Variants in SYMPK observed in about 807,000 individuals in gnomAD.
The protein encoded by SYMPK is symplekin.
SYMPK carries 49 observed loss-of-function variants against 136.4 expected under a neutral mutation model. The observed-to-expected ratio is 0.36, with a 90% CI of 0.29 to 0.46. SYMPK has a LOEUF of 0.46. SYMPK is among the 20% of genes least tolerant of loss of function. The pLI is 1.00. For missense variants in SYMPK, 1,365 were observed against 1,690.0 expected (o/e 0.81, Z 3.37); for synonymous variants, 766 against 713.0 (o/e 1.07, Z -1.19).
chr19:45,857,340 G>A (rs1400790601), intron 1 of SYMPK, among the ~76,000 whole-genome samples: 1 of 137,392 alleles, frequency 7.3e-6, no homozygotes, highest in Admixed American at 7.7e-5. Context: ...AACCCGGGAA[G>A]CGGAACTTGC....
Position 45,844,183 on chromosome 19 carries a change from C to G in SYMPK, c.694G>C (p.Gly232Arg). The change falls in exon 8 of 27, where the codon GGC becomes CGC. Residue 232 changes from glycine (G) to arginine (R), a missense_variant. Gly to Arg is a moderately radical substitution (Grantham distance 125). This residue lies in a region of SYMPK where 237 missense variants were observed against 292.9 expected (regional missense o/e 0.81). Coordinates refer to ENST00000245934, the MANE Select transcript of SYMPK (RefSeq NM_004819.3). ...AGCAGCTGCTCCAAGGCTGCCTTGC[C>G]CTCTTCCCATAGCACGTCTAAGAGA... Reference protein sequence around the residue: ...YIQYNVLWEEGKAALEQLLKF... With the variant: ...YIQYNVLWEERKAALEQLLKF... The G allele has an allele frequency of 1.9e-6, 3 of 1,604,706 alleles. No homozygotes were observed. Among genetic ancestry groups the G allele is most frequent in the Non-Finnish European group, 2.6e-6 (3 of 1,175,516 alleles).
In SYMPK at chr19:45,838,557, G is replaced by A. The variant is rs758301636; in HGVS notation, c.1146C>T (p.Thr382=). The A allele has an allele frequency of 6.2e-6, 10 of 1,614,164 alleles. No individual in the cohort carries two copies. The highest frequency in any genetic ancestry group is 1.7e-4 in the Middle Eastern group (1 of 6,060). ...DKDLEPGPSG[T]SKASAQISGQ... is the part of the protein sequence containing the mutation. ...CGGAGATCTGCGCTGAGGCCTTCGA[G>A]GTCCCCGACGGGCCTGGCTCCAAGT... Residue 382 remains threonine, a synonymous_variant, in exon 10 of 27, where the codon ACC becomes ACT. Transcript: ENST00000245934.
intron 19 of SYMPK, 121 bp from the exon 20 acceptor site, chr19:45,823,593 G>T: frequency 9.7e-7 from 1 of 1,030,206 alleles, no homozygotes; most frequent in Non-Finnish European, 1.5e-6. Context: ...ACCCTTGGCT[G>T]CTCACGTGCA....
chr19:45,851,656 C>T (rs939530444), intron 5 of SYMPK, among the ~76,000 whole-genome samples: 1 of 151,218 alleles, frequency 6.6e-6, no homozygotes, highest in Non-Finnish European at 1.5e-5. Flanking sequence ...GGCAGATCAC[C>T]TGAGGTCAGG....
rs748224488 is a variant in SYMPK at position 45,823,850 on chromosome 19, G to A, written c.2516C>T (p.Pro839Leu). The A allele has an allele frequency of 1.1e-5, 17 of 1,613,902 alleles. No homozygotes were observed. Among genetic ancestry groups the A allele is most frequent in the South Asian group, 2.2e-5 (2 of 91,070 alleles). ...ATTTTCCACCAGCAGGAGCAGCTCC[G>A]GGGAGTTCATGCCCATTCCTCGGAT... ...QPIRGMGMNS[P>L]ELLLLVENCP... Residue 839 changes from proline (P) to leucine (L), a missense_variant, in exon 19 of 27, where the codon CCG becomes CTG. Pro to Leu is a moderately conservative substitution (Grantham distance 98). This residue lies in a region of SYMPK where 92 missense variants were observed against 198.6 expected (regional missense o/e 0.46). Coordinates refer to ENST00000245934, the MANE Select transcript of SYMPK (RefSeq NM_004819.3).
In SYMPK at chr19:45,857,425, A is replaced by C. The variant is rs887820568; in HGVS notation, c.-12-2918T>G. Among the ~76,000 whole-genome samples, 21 of 151,014 alleles carry C rather than the reference A, an allele frequency of 1.4e-4. 1 individual carries two copies. The highest frequency in any genetic ancestry group is 6.3e-4 in the South Asian group (3 of 4,788). ...ACTCTGTCTCAAAAAAAAAAAAAAA[A>C]AAAAAAAAACACACACTAAACAAAC... On this transcript the variant is annotated intron_variant, in intron 1 of 26. Transcript: ENST00000245934.
At chr19:45,818,421 T>G (rs1334702418) in intron 22 of SYMPK, among the ~76,000 whole-genome samples, 1 of 152,178 alleles carries the variant, frequency 6.6e-6, no homozygotes. Flanking sequence ...CCCCTCACTT[T>G]AAGGACGACC....
chr19:45,833,885 C>T (rs1971241388), intron 11 of SYMPK, among the ~76,000 whole-genome samples: 1 of 152,200 alleles, frequency 6.6e-6, no homozygotes, highest in Non-Finnish European at 1.5e-5. Flanking sequence ...AGTGCGGTGG[C>T]TCACGCCTGT....
chr19:45,818,073 C>T lies in SYMPK; in HGVS notation c.2967G>A (p.Met989Ile). The T allele has an allele frequency of 6.4e-7, 1 of 1,561,922 alleles. No homozygotes were observed. Among genetic ancestry groups the T allele is most frequent in the Non-Finnish European group, 8.7e-7 (1 of 1,153,156 alleles). Residue 989 changes from methionine (M) to isoleucine (I), a missense_variant, in exon 23 of 27, where the codon ATG becomes ATA. Physicochemically the swap from Met to Ile is conservative, Grantham distance 10. Transcript: ENST00000245934. ...EVLAVVMQQL[M>I]EQSPLPMLLM... is the part of the protein sequence containing the mutation. ...GCAGCATGGGCAGGGGGCTCTGCTC[C>T]ATCAGCTGCTGCATCACCACGGCCA...
intron 1 of SYMPK, among the ~76,000 whole-genome samples, chr19:45,857,546 C>G (rs1331934914): frequency 6.7e-6 from 1 of 149,334 alleles, no homozygotes; most frequent in Non-Finnish European, 1.5e-5. Flanking sequence ...GGCTGGAGTG[C>G]AGTGGCGTGA....
intron 5 of SYMPK, 120 bp downstream of exon 5, chr19:45,852,188 TGAGA>T (rs1287141407): frequency 5.2e-6 from 5 of 965,660 alleles, no homozygotes; most frequent in South Asian, 4.0e-5. Context: ...TCAGTGTGTA[TGAGA>T]GAGAGAAAGG....
In SYMPK at chr19:45,832,446, G is replaced by C. The variant is rs1266825549; in HGVS notation, c.1394-858C>G. 2.0e-5 allele frequency among the ~76,000 whole-genome samples: 3 copies of C among 152,160 alleles called. No homozygotes were observed. The East Asian group carries it at 5.8e-4, about 30-fold the overall frequency. ...TGTGAGCCACCACACCCAGCCTGTA[G>C]CAGTTTTTAATAGCACTGATCACAC... On this transcript the variant is annotated intron_variant, in intron 11 of 26. Coordinates refer to ENST00000245934, the MANE Select transcript of SYMPK (RefSeq NM_004819.3).
chr19:45,862,759 G>A (rs961593826), intron 1 of SYMPK, among the ~76,000 whole-genome samples: 1 of 152,214 alleles, frequency 6.6e-6, no homozygotes, highest in Non-Finnish European at 1.5e-5. Flanking sequence ...AAGCGGGAAA[G>A]CGCATGGCAA....
At chr19:45,818,425 G>A (rs151276271) in intron 22 of SYMPK, among the ~76,000 whole-genome samples, 160 of 152,326 alleles carry the variant, frequency 1.1e-3, no homozygotes, top group Non-Finnish European at 1.8e-3. Flanking sequence ...TCACTTTAAG[G>A]ACGACCTTGG....
intron 17 of SYMPK, 45 bp downstream of exon 17, chr19:45,826,181 C>G: frequency 1.9e-6 from 3 of 1,574,328 alleles, no homozygotes; most frequent in Non-Finnish European, 2.6e-6. Flanking sequence ...GCCCAGAGCG[C>G]GGACACAGCA....
chr19:45,843,532 C>G (rs1310694932), intron 8 of SYMPK, among the ~76,000 whole-genome samples: 1 of 152,130 alleles, frequency 6.6e-6, no homozygotes, highest in South Asian at 2.1e-4. Context: ...ATATTAAAGC[C>G]AGTCCTGAAT....
At chr19:45,840,275 A>C (rs12462489) in intron 9 of SYMPK, among the ~76,000 whole-genome samples, 2 of 143,976 alleles carry the variant, frequency 1.4e-5, no homozygotes, top group African/African-American at 5.2e-5. Flanking sequence ...AGATCAGGCC[A>C]CTGTACTCCA....
chr19:45,815,902 C>T lies in SYMPK; in HGVS notation c.3636G>A (p.Gly1212=). Residue 1212 remains glycine, a synonymous_variant, in exon 26 of 27, where the codon GGG becomes GGA. Transcript: ENST00000245934. ...AGTCCAACAGCGCGGCCTCGGTCAG[C>T]CCCGAGTCGTCATCCATGCTGATGA... The part of the protein sequence containing the change: ...GIFISMDDDS[G]LTEAALLDSS... 1.9e-6 allele frequency: 3 copies of T among 1,612,372 alleles called. No homozygotes were observed. Among genetic ancestry groups the T allele is most frequent in the Non-Finnish European group, 2.5e-6 (3 of 1,179,912 alleles).
At chr19:45,826,562 GCAC>G (rs1971048347) in intron 16 of SYMPK, among the ~76,000 whole-genome samples, 189 bp from the exon 17 acceptor site, 1 of 152,082 alleles carries the variant, frequency 6.6e-6, no homozygotes, top group Admixed American at 6.5e-5. Flanking sequence ...CGGACCCGCA[GCAC>G]CACCTCACTG....
Sources: gnomAD v4.1 joint callset for allele counts (sites outside exome capture counted in the v4.1 genomes callset) on GRCh38, gnomAD v4.1.1 for gene constraint, gnomAD v4.1.1 regional missense constraint, MANE v1.5 for transcripts, NCBI Gene and HGNC (gene_info 2026-07-23, HGNC 2026-07-21) for gene names.